Variants in TRAF3IP2 observed in about 807,000 individuals in gnomAD.
TRAF3IP2 encodes the protein E3 ubiquitin ligase TRAF3IP2.
TRAF3IP2 carries 35 observed loss-of-function variants against 57.9 expected under a neutral mutation model. That is an observed-to-expected ratio of 0.60 (90% CI 0.46 to 0.80). TRAF3IP2 has a LOEUF of 0.80. TRAF3IP2 is among the 30% of genes least tolerant of loss of function. The probability of loss-of-function intolerance (pLI) is 0.00; values close to 1 mark genes in which losing one functional copy is unlikely to be tolerated. For synonymous variants in TRAF3IP2, 251 were observed against 268.9 expected (o/e 0.93, Z 0.65); for missense variants, 556 against 706.4 (o/e 0.79, Z 2.41).
At chr6:111,561,705 CG>C (rs1287594323) in intron 8 of TRAF3IP2, among the ~76,000 whole-genome samples, 1 of 152,100 alleles carries the variant, frequency 6.6e-6, no homozygotes, top group African/African-American at 2.4e-5. Context: ...CCTCATAGAT[CG>C]TGCTAAGAAA....
chr6:111,588,990 AC>A (rs1796421683), intron 2 of TRAF3IP2, among the ~76,000 whole-genome samples: 1 of 151,958 alleles, frequency 6.6e-6, no homozygotes, highest in South Asian at 2.1e-4. Context: ...AAATATGAAA[AC>A]TTTTTCTTTT....
At chr6:111,595,060 T>C (rs938379453) in intron 1 of TRAF3IP2, among the ~76,000 whole-genome samples, 2 of 151,980 alleles carry the variant, frequency 1.3e-5, no homozygotes, top group South Asian at 2.1e-4. Context: ...GGTGAAACCC[T>C]GTCTCTACTA....
intron 1 of TRAF3IP2, chr6:111,602,395 C>G (rs1014404011): frequency 5.4e-5 from 8 of 149,222 alleles, no homozygotes; most frequent in Non-Finnish European, 8.9e-5. Flanking sequence ...CATGTGTGAT[C>G]CCTAATTCAG....
At chr6:111,580,411 A>G (rs373704090) in intron 2 of TRAF3IP2, 22 bp from the exon 3 acceptor site, 5 of 1,520,614 alleles carry the variant, frequency 3.3e-6, no homozygotes, top group Non-Finnish European at 4.4e-6. Flanking sequence ...GACAACAAAG[A>G]CAACAGGGAA....
At position 111,605,856 on chromosome 6, in the gene TRAF3IP2, C is replaced by G. The variant is rs1241561128; in HGVS notation, c.-89G>C. ...GCTTCTCGTCTCCCTCCACCTTCTC[C>G]GGGCCCAGGTAAGTAGAAGAACAGG... On this transcript the variant is annotated 5_prime_UTR_variant, in exon 1 of 9. Transcript: ENST00000368761. 1 of 152,128 alleles carries G rather than the reference C, an allele frequency of 6.6e-6. No individual in the cohort carries two copies. Among genetic ancestry groups the G allele is most frequent in the Admixed American group, 6.5e-5 (1 of 15,280 alleles). The allele number at this position is 152,128 out of a possible 1,614,324, so 9.4% of individuals were successfully genotyped here.
At chr6:111,596,418 A>T (rs1423128338) in intron 1 of TRAF3IP2, among the ~76,000 whole-genome samples, 2 of 151,974 alleles carry the variant, frequency 1.3e-5, no homozygotes, top group African/African-American at 4.8e-5. Context: ...TCAGTCTCCC[A>T]AGTAGCTAGG....
intron 1 of TRAF3IP2, among the ~76,000 whole-genome samples, chr6:111,598,985 G>A (rs529051704): frequency 2.0e-5 from 3 of 151,932 alleles, no homozygotes; most frequent in African/African-American, 7.2e-5. Context: ...CAACTACCTT[G>A]CCCTCCTGGG....
chr6:111,558,091 T>G lies in TRAF3IP2; in HGVS notation c.*1314A>C, dbSNP rs1795307118. 1 of 152,160 alleles carries G rather than the reference T, an allele frequency of 6.6e-6. No homozygotes were observed. The highest frequency in any genetic ancestry group is 6.5e-5 in the Admixed American group (1 of 15,280). 9.4% of individuals were successfully genotyped at this position (152,160 alleles called of 1,614,324 possible). A position where few individuals can be genotyped will look rare whatever the true frequency, so the allele number is the denominator to read the frequency against. On this transcript the variant is annotated 3_prime_UTR_variant, in exon 9 of 9. Coordinates refer to ENST00000368761, the MANE Select transcript of TRAF3IP2 (RefSeq NM_147686.4). ...ATTTGTCCTCTGAGAGACATAATTA[T>G]GAAAATGAAAACTCAGTCACTCCTC...
At chr6:111,602,754 G>A (rs1307788425) in intron 1 of TRAF3IP2, among the ~76,000 whole-genome samples, 1 of 152,054 alleles carries the variant, frequency 6.6e-6, no homozygotes, top group African/African-American at 2.4e-5. Flanking sequence ...GTTGACTCTG[G>A]GAAGGGGAAA....
chr6:111,579,230 T>C (rs1055679043), intron 3 of TRAF3IP2, among the ~76,000 whole-genome samples: 6 of 138,914 alleles, frequency 4.3e-5, no homozygotes, highest in Admixed American at 2.5e-4. Flanking sequence ...GGCAGGAGAA[T>C]AGCTTGAACC....
At chr6:111,578,893 C>G (rs1370825017) in intron 3 of TRAF3IP2, among the ~76,000 whole-genome samples, 1 of 152,158 alleles carries the variant, frequency 6.6e-6, no homozygotes, top group Non-Finnish European at 1.5e-5. Context: ...ATAAAAGTTG[C>G]TTTTGAGCAA....
chr6:111,560,311 G>T (rs1795390143), intron 8 of TRAF3IP2, among the ~76,000 whole-genome samples: 2 of 152,196 alleles, frequency 1.3e-5, no homozygotes, highest in Admixed American at 1.3e-4. Context: ...CAGTGCGAAG[G>T]CCCTGTGGAG....
intron 7 of TRAF3IP2, among the ~76,000 whole-genome samples, chr6:111,565,624 C>T (rs1046679812): frequency 3.9e-5 from 6 of 152,160 alleles, no homozygotes; most frequent in African/African-American, 1.2e-4. Context: ...AACTGTCTCA[C>T]AGCGTCTCTA....
At chr6:111,605,383 C>A (rs1282503965) in intron 1 of TRAF3IP2, among the ~76,000 whole-genome samples, 1 of 152,252 alleles carries the variant, frequency 6.6e-6, no homozygotes, top group African/African-American at 2.4e-5. Flanking sequence ...GGGCTGAAAG[C>A]CAATTACTTA....
chr6:111,586,536 CT>C (rs369106992), intron 2 of TRAF3IP2, among the ~76,000 whole-genome samples: 74 of 146,516 alleles, frequency 5.1e-4, no homozygotes, highest in South Asian at 6.5e-4. Context: ...ACTTTGAAAA[CT>C]TTTTTTTTTT....
chr6:111,581,585 G>A (rs193264701), intron 2 of TRAF3IP2, among the ~76,000 whole-genome samples: 113 of 152,144 alleles, frequency 7.4e-4, no homozygotes, highest in Middle Eastern at 6.8e-3. Context: ...ATGTAGATAG[G>A]ATACATATAT....
chr6:111,591,443 G>C lies in TRAF3IP2; in HGVS notation c.644C>G (p.Pro215Arg). 6.3e-7 allele frequency: 1 copy of C among 1,585,078 alleles called. No individual in the cohort carries two copies. Among genetic ancestry groups the C allele is most frequent in the Non-Finnish European group, 8.6e-7 (1 of 1,164,512 alleles). ...GTAACACACGGAGGTGAGGGGCAGG[G>C]GCCTTTCCAGCTGCCTGATGCCCAG... ...DVLGIRQLER[P>R]LPLTSVCYPQ... The change falls in exon 2 of 9, where the codon CCC becomes CGC. Residue 215 changes from proline to arginine, a missense_variant. Pro to Arg is a moderately radical substitution (Grantham distance 103). This residue lies in a region of TRAF3IP2 where 428 missense variants were observed against 498.7 expected (regional missense o/e 0.86). Coordinates refer to ENST00000368761, the MANE Select transcript of TRAF3IP2 (RefSeq NM_147686.4). The surrounding 1 kb of genome is among the most constrained non-coding windows in gnomAD (Gnocchi z 4.9).
intron 1 of TRAF3IP2, among the ~76,000 whole-genome samples, chr6:111,604,121 G>C (rs926010852): frequency 6.6e-6 from 1 of 152,112 alleles, no homozygotes; most frequent in Non-Finnish European, 1.5e-5. Flanking sequence ...ACTACACCAG[G>C]ACATCCCACA....
chr6:111,563,404 T>C (rs1359002958), intron 7 of TRAF3IP2, among the ~76,000 whole-genome samples: 2 of 152,172 alleles, frequency 1.3e-5, no homozygotes, highest in African/African-American at 4.8e-5. Flanking sequence ...TTGGAGAGTA[T>C]TTATACCATG....
Sources: gnomAD v4.1 joint callset for allele counts (sites outside exome capture counted in the v4.1 genomes callset) on GRCh38, gnomAD v4.1.1 for gene constraint, gnomAD v4.1.1 regional missense constraint, Gnocchi (gnomAD v3.1) non-coding constraint, MANE v1.5 for transcripts, NCBI Gene and HGNC (gene_info 2026-07-23, HGNC 2026-07-21) for gene names.